DPY19L2: variants seen among roughly 807,000 people sequenced by gnomAD.
The protein encoded by DPY19L2 is dpy-19 like 2.
In DPY19L2, 34 loss-of-function variants were observed where a neutral mutation model predicts 97.9. The observed-to-expected ratio is 0.35, with a 90% confidence interval of 0.26 to 0.46. The LOEUF (loss-of-function observed/expected upper bound fraction) is 0.46, where lower values mean the gene tolerates loss of function less well. Ranked by LOEUF, DPY19L2 falls within the 20% of genes least tolerant of loss-of-function variation. The pLI, the probability that DPY19L2 is intolerant of heterozygous loss-of-function variation, is 1.00. For missense variants in DPY19L2, 623 were observed against 911.4 expected, an observed-to-expected ratio of 0.68 and a Z score of 4.07; for synonymous variants, 230 against 307.9, an observed-to-expected ratio of 0.75 and a Z score of 2.65.
At chr12:63,618,612 A>C (rs1486039589) in intron 9 of DPY19L2, among the ~76,000 whole-genome samples, 1 of 152,090 alleles carries the variant, frequency 6.6e-6, no homozygotes, top group African/African-American at 2.4e-5. Context: ...ATTTCAGCAG[A>C]TTCAGCAGAG....
intron 6 of DPY19L2, among the ~76,000 whole-genome samples, chr12:63,633,984 G>A (rs1377411214): frequency 1.3e-5 from 2 of 151,672 alleles, no homozygotes; most frequent in East Asian, 3.9e-4. Flanking sequence ...AACACCGCAT[G>A]TTCTCACTCA....
At chr12:63,665,224 C>A (rs1323967912) in intron 2 of DPY19L2, among the ~76,000 whole-genome samples, 3 of 152,094 alleles carry the variant, frequency 2.0e-5, no homozygotes, top group Admixed American at 1.3e-4. Flanking sequence ...GTAATCCCAA[C>A]ACTTTGGGAG....
intron 16 of DPY19L2, among the ~76,000 whole-genome samples, chr12:63,591,411 C>A (rs1182519455): frequency 6.6e-6 from 1 of 152,128 alleles, no homozygotes; most frequent in African/African-American, 2.4e-5. Context: ...TGCTCACCAC[C>A]TGGATACAAT....
intron 1 of DPY19L2, 46 bp from the exon 2 acceptor site, chr12:63,665,905 T>G: frequency 6.8e-7 from 1 of 1,466,310 alleles, no homozygotes; most frequent in Non-Finnish European, 9.3e-7. Flanking sequence ...TGCTTTATTA[T>G]AAAATACCAT....
At chr12:63,610,738 G>A (rs1238535776) in intron 11 of DPY19L2, among the ~76,000 whole-genome samples, 1 of 147,418 alleles carries the variant, frequency 6.8e-6, no homozygotes, top group Non-Finnish European at 1.5e-5. Context: ...AAATTGAAGA[G>A]AACACTTCTA....
intron 11 of DPY19L2, among the ~76,000 whole-genome samples, chr12:63,614,450 T>C (rs1887529065): frequency 6.6e-6 from 1 of 151,936 alleles, no homozygotes; most frequent in Admixed American, 6.6e-5. Context: ...GAAAGTACAG[T>C]ATGCAATACT....
At chr12:63,573,906 C>T (rs561153878) in intron 19 of DPY19L2, among the ~76,000 whole-genome samples, 1 of 152,016 alleles carries the variant, frequency 6.6e-6, no homozygotes, top group African/African-American at 2.4e-5. Context: ...TCACACCAGA[C>T]CTACCTATAA....
chr12:63,637,001 C>T (rs935946130), intron 6 of DPY19L2, among the ~76,000 whole-genome samples: 3 of 152,118 alleles, frequency 2.0e-5, no homozygotes, highest in Non-Finnish European at 2.9e-5. Flanking sequence ...AGCACCACAT[C>T]GTACTTATTT....
chr12:63,570,140 G>A (rs1419642569), intron 20 of DPY19L2, among the ~76,000 whole-genome samples: 1 of 152,060 alleles, frequency 6.6e-6, no homozygotes, highest in African/African-American at 2.4e-5. Context: ...TTTTAAAAAC[G>A]ATTACCCTGA....
intron 16 of DPY19L2, among the ~76,000 whole-genome samples, chr12:63,588,908 G>C (rs966371654): frequency 3.3e-5 from 5 of 151,692 alleles, no homozygotes; most frequent in Middle Eastern, 6.8e-3. Flanking sequence ...CGCCCACCAC[G>C]ATGCCCAGCT....
intron 6 of DPY19L2, among the ~76,000 whole-genome samples, chr12:63,643,959 C>T (rs534913366): frequency 1.3e-5 from 2 of 152,258 alleles, no homozygotes; most frequent in Non-Finnish European, 2.9e-5. Flanking sequence ...GGTCTCGCTG[C>T]TGCTTCATCG....
chr12:63,639,226 T>C (rs1028171683), intron 6 of DPY19L2, among the ~76,000 whole-genome samples: 2 of 152,170 alleles, frequency 1.3e-5, no homozygotes, highest in Non-Finnish European at 2.9e-5. Context: ...AAAACTTAAA[T>C]GTTAGACCTA....
chr12:63,600,711 G>C (rs1243283717), intron 12 of DPY19L2, among the ~76,000 whole-genome samples: 2 of 150,978 alleles, frequency 1.3e-5, no homozygotes, highest in African/African-American at 4.9e-5. Context: ...ACAGAGGAAG[G>C]GGGGATTTGA....
chr12:63,638,420 C>G (rs1460676698), intron 6 of DPY19L2, among the ~76,000 whole-genome samples: 1 of 152,132 alleles, frequency 6.6e-6, no homozygotes, highest in Non-Finnish European at 1.5e-5. Flanking sequence ...GTCAAATTGT[C>G]CCTGTTTGCA....
intron 7 of DPY19L2, among the ~76,000 whole-genome samples, chr12:63,625,250 A>C (rs1889338681): frequency 6.6e-6 from 1 of 152,048 alleles, no homozygotes; most frequent in South Asian, 2.1e-4. Flanking sequence ...ACAAAAATTT[A>C]GCTGAGCATG....
intron 6 of DPY19L2, among the ~76,000 whole-genome samples, chr12:63,644,020 T>C (rs1170000073): frequency 6.6e-6 from 1 of 152,174 alleles, no homozygotes; most frequent in Non-Finnish European, 1.5e-5. Flanking sequence ...GCCTGCCACA[T>C]GTGATTCACA....
At chr12:63,652,254 T>A (rs960627754) in intron 4 of DPY19L2, among the ~76,000 whole-genome samples, 1 of 152,092 alleles carries the variant, frequency 6.6e-6, no homozygotes, top group Non-Finnish European at 1.5e-5. Context: ...ATGGCTATTA[T>A]TAAAAAGTCA....
intron 12 of DPY19L2, among the ~76,000 whole-genome samples, chr12:63,607,771 C>G (rs1200519613): frequency 1.3e-5 from 2 of 152,066 alleles, no homozygotes; most frequent in Non-Finnish European, 2.9e-5. Flanking sequence ...TAGTTGGGAT[C>G]ACAGGCTCAT....
rs951948082 is a variant in DPY19L2 at position 63,641,229 on chromosome 12, T to C, written c.803+3174A>G. ...CAAAAACAGAACTTTTTTAAAAAAA[T>C]AGAACATTTTTAAAGCTGCCCAAAC... On this transcript the variant is annotated intron_variant, in intron 6 of 21. Transcript: ENST00000324472. Among the ~76,000 whole-genome samples the C allele has an allele frequency of 9.2e-5, 14 of 151,744 alleles. No individual in the cohort carries two copies. In the South Asian group the frequency reaches 1.2e-3, roughly 13 times the overall value.
Sources: gnomAD v4.1 joint callset for allele counts (sites outside exome capture counted in the v4.1 genomes callset) on GRCh38, gnomAD v4.1.1 for gene constraint, MANE v1.5 for transcripts, NCBI Gene and HGNC (gene_info 2026-07-23, HGNC 2026-07-21) for gene names.